The following APOM variants were observed in gnomAD, a reference collection of about 807,000 sequenced individuals.
APOM encodes apolipoprotein M, also known as NG20-like protein.
A neutral mutation model predicts 23.5 loss-of-function variants in APOM; 24 were observed. That is an observed-to-expected ratio of 1.02 (90% CI 0.74 to 1.44). The LOEUF (loss-of-function observed/expected upper bound fraction) is 1.44, where lower values mean the gene tolerates loss of function less well. Among genes scored for constraint, APOM ranks in the 40% most tolerant of loss-of-function variants. The pLI is 0.00. For missense variants in APOM, 200 were observed against 233.2 expected, an observed-to-expected ratio of 0.86 and a Z score of 0.93; for synonymous variants, 82 against 84.1, an observed-to-expected ratio of 0.97 and a Z score of 0.14.
rs1310480351 is a variant in APOM at position 31,657,715 on chromosome 6, G to C, written c.533G>C (p.Arg178Thr). 6.2e-7 allele frequency: 1 copy of C among 1,611,642 alleles called. No individual in the cohort carries two copies. The highest frequency in any genetic ancestry group is 2.2e-5 in the East Asian group (1 of 44,892). ...LDSKAFLLTP[R>T]NQEACELSNN is the part of the protein sequence containing the mutation. The stretch of plus-strand genomic sequence containing the variant: ...TCCAAAGCCTTCTTATTGACTCCTA[G>C]GAATCAAGGTAAGGGGTTAAAATCT... Residue 178 changes from arginine (R) to threonine (T), a missense_variant, in exon 5 of 6, where the codon AGG (arginine) becomes ACG (threonine). By Grantham distance (71) the Arg-to-Thr change is moderately conservative. Coordinates refer to ENST00000375916, the MANE Select transcript of APOM (RefSeq NM_019101.3).
At chr6:31,653,175 C>T (rs1445690668), upstream of APOM, among the ~76,000 whole-genome samples, 1 of 152,132 alleles carries the variant, frequency 6.6e-6, no homozygotes, top group African/African-American at 2.4e-5. Flanking sequence ...CTAAGTTGCA[C>T]GACTTGTCAA....
chr6:31,656,420 C>T (rs764168323), intron 1 of APOM, 52 bp from the exon 2 acceptor site: 28 of 1,586,030 alleles, frequency 1.8e-5, no homozygotes, highest in Non-Finnish European at 2.3e-5. Context: ...AGAGGTTGAA[C>T]CCATCCTGTG....
chr6:31,657,709 C>T lies in APOM; in HGVS notation c.527C>T (p.Thr176Ile), dbSNP rs1263974518. 1.9e-6 allele frequency: 3 copies of T among 1,611,724 alleles called. No individual in the cohort carries two copies. In the African/African-American group the frequency reaches 4.0e-5, roughly 22 times the overall value. The change falls in exon 5 of 6, where the codon ACT becomes ATT. Residue 176 changes from threonine (T) to isoleucine (I), a missense_variant. Transcript: ENST00000375916. ...SCLDSKAFLL[T>I]PRNQEACELS... ...CTGGACTCCAAAGCCTTCTTATTGA[C>T]TCCTAGGAATCAAGGTAAGGGGTTA... is the stretch of plus-strand genomic sequence containing the variant.
chr6:31,656,344 T>G, intron 1 of APOM, 128 bp from the exon 2 acceptor site: 1 of 1,050,660 alleles, frequency 9.5e-7, no homozygotes, highest in East Asian at 2.4e-5. Context: ...ATGGATCCAA[T>G]CCCCAGTTGG....
At chr6:31,658,018 C>T in intron 5 of APOM, 46 bp from the exon 6 acceptor site, 1 of 1,612,004 alleles carries the variant, frequency 6.2e-7, no homozygotes, top group South Asian at 1.1e-5. Flanking sequence ...TTGCTTTTCT[C>T]CCTGGACTTC....
chr6:31,653,756 A>G (rs1177179201), upstream of APOM, among the ~76,000 whole-genome samples: 1 of 152,042 alleles, frequency 6.6e-6, no homozygotes, highest in East Asian at 1.9e-4. Flanking sequence ...ATCACAACTC[A>G]CTGTAGCCTC....
Position 31,658,160 on chromosome 6 carries a change from TTCCAGC to T in APOM, c.*81_*86del. On this transcript the variant is annotated 3_prime_UTR_variant, in exon 6 of 6. Transcript: ENST00000375916. ...GTTGTTGGAGGGAGAAGCTGGAGAC[TTCCAGC>T]TCCAGCTCCCACTCAAGATAATAAA... is the stretch of plus-strand genomic sequence containing the variant. 6.7e-7 allele frequency: 1 copy of T among 1,495,444 alleles called. No homozygotes were observed. The highest frequency in any genetic ancestry group is 1.7e-5 in the Admixed American group (1 of 59,388). The allele number at this position is 1,495,444 out of a possible 1,614,324, so 92.6% of individuals were successfully genotyped here.
chr6:31,656,517 G>C lies in APOM; in HGVS notation c.160G>C (p.Ala54Pro). The change falls in exon 2 of 6, where the codon GCT becomes CCT. Residue 54 changes from alanine to proline, a missense_variant. Ala to Pro is a conservative substitution (Grantham distance 27, BLOSUM62 -1). Transcript: ENST00000375916. ...LGQWYFIAGAAPTKEELATFD... is the reference protein window; with the variant it reads ...LGQWYFIAGAPPTKEELATFD... ...CCAGTGGTACTTTATCGCAGGGGCA[G>C]CTCCCACCAAGGAGGAGTTGGCAAC... 9.9e-6 allele frequency: 16 copies of C among 1,614,130 alleles called. No homozygotes were observed. Among genetic ancestry groups the C allele is most frequent in the Non-Finnish European group, 1.4e-5 (16 of 1,180,024 alleles).
upstream of APOM, among the ~76,000 whole-genome samples, chr6:31,654,426 G>C (rs1403821911): frequency 6.6e-6 from 1 of 152,050 alleles, no homozygotes; most frequent in African/African-American, 2.4e-5. Flanking sequence ...GGTGGCTCAT[G>C]CCTGTAATCC....
In APOM at chr6:31,656,034, G is replaced by A. The variant is rs1370946821; in HGVS notation, c.68G>A (p.Cys23Tyr). Residue 23 changes from cysteine to tyrosine, a missense_variant, in exon 1 of 6, where the codon TGC (cysteine) becomes TAC (tyrosine). Cys to Tyr is a radical substitution (Grantham distance 194). Coordinates refer to ENST00000375916, the MANE Select transcript of APOM (RefSeq NM_019101.3). Reference protein sequence around the residue: ...YGIILNSIYQCPEHSQLTTLG... With the variant: ...YGIILNSIYQYPEHSQLTTLG... ...ATTATCCTTAACTCCATCTACCAGT[G>A]CCCTGAGCACAGTCAACTGACAACT... The A allele has an allele frequency of 6.3e-7, 1 of 1,591,030 alleles. No individual in the cohort carries two copies. The highest frequency in any genetic ancestry group is 2.3e-5 in the East Asian group (1 of 44,278).
chr6:31,657,377 C>T lies in APOM; in HGVS notation c.344-3C>T. On this transcript the variant is annotated splice_region_variant and splice_polypyrimidine_tract_variant and intron_variant, in intron 3 of 5. Transcript: ENST00000375916. The stretch of plus-strand genomic sequence containing the variant: ...CTCATACTTCTCCCACCTGCCTTGA[C>T]AGGCCGCCCTGACATGAAGACTGAG... 1 of 1,613,110 alleles carries T rather than the reference C, an allele frequency of 6.2e-7. No individual in the cohort carries two copies. The highest frequency in any genetic ancestry group is 2.2e-5 in the East Asian group (1 of 44,892).
upstream of APOM, among the ~76,000 whole-genome samples, chr6:31,653,282 A>C (rs1799137709): frequency 6.6e-6 from 1 of 152,214 alleles, no homozygotes; most frequent in Admixed American, 6.5e-5. Context: ...AAGGCCGGCC[A>C]GCGTGCTTCC....
At chr6:31,656,762 G>A (rs900035633) in intron 2 of APOM, 136 bp downstream of exon 2, 8 of 1,117,496 alleles carry the variant, frequency 7.2e-6, no homozygotes, top group African/African-American at 3.1e-5. Flanking sequence ...TGTATTAATT[G>A]CCCTCTGGAG....
upstream of APOM, chr6:31,655,421 T>A (rs1249694392): frequency 6.6e-6 from 1 of 152,564 alleles, no homozygotes; most frequent in Non-Finnish European, 1.5e-5. Context: ...AGCACCTGCA[T>A]CATACCTGTT....
chr6:31,657,246 C>A lies in APOM; in HGVS notation c.291C>A (p.Pro97=). ...GCAGGAAAGATGGGCTCTGTGTGCC[C>A]CGGAAATGGATCTACCACCTGACTG... ...TIRMKDGLCV[P]RKWIYHLTEG... Residue 97 remains proline (P), a synonymous_variant, in exon 3 of 6, where the codon CCC becomes CCA. Transcript: ENST00000375916. 1 of 1,613,032 alleles carries A rather than the reference C, an allele frequency of 6.2e-7. No homozygotes were observed. Among genetic ancestry groups the A allele is most frequent in the Non-Finnish European group, 8.5e-7 (1 of 1,180,020 alleles).
upstream of APOM, among the ~76,000 whole-genome samples, chr6:31,653,402 C>A (rs555453210): frequency 1.6e-4 from 25 of 152,334 alleles, no homozygotes; most frequent in East Asian, 2.1e-3. Context: ...AAAGACACAT[C>A]GCTGTTGGGG....
intron 4 of APOM, 66 bp from the exon 5 acceptor site, chr6:31,657,559 C>A: frequency 1.3e-6 from 2 of 1,597,142 alleles, no homozygotes; most frequent in Non-Finnish European, 1.7e-6. Flanking sequence ...TCCTATGACA[C>A]CCTCCCAGGA....
chr6:31,657,216 C>A lies in APOM; in HGVS notation c.270-9C>A, dbSNP rs748550789. ...CATTCTTTCCTCCTTGCCACCACCA[C>A]CTCTGCAGGAAAGATGGGCTCTGTG... On this transcript the variant is annotated splice_polypyrimidine_tract_variant and intron_variant, in intron 2 of 5. Transcript: ENST00000375916. 22 of 1,612,640 alleles carry A rather than the reference C, an allele frequency of 1.4e-5. No individual in the cohort carries two copies. The highest frequency in any genetic ancestry group is 1.8e-5 in the Non-Finnish European group (21 of 1,179,778).
In APOM at chr6:31,657,219, C is replaced by A; in HGVS notation, c.270-6C>A. Reference sequence around the variant, plus strand: ...TCTTTCCTCCTTGCCACCACCACCTCTGCAGGAAAGATGGGCTCTGTGTGC... The same window carrying A: ...TCTTTCCTCCTTGCCACCACCACCTATGCAGGAAAGATGGGCTCTGTGTGC... On this transcript the variant is annotated splice_polypyrimidine_tract_variant and splice_region_variant and intron_variant, in intron 2 of 5. Coordinates refer to ENST00000375916, the MANE Select transcript of APOM (RefSeq NM_019101.3). 1.2e-6 allele frequency: 2 copies of A among 1,612,884 alleles called. No individual in the cohort carries two copies. Among genetic ancestry groups the A allele is most frequent in the South Asian group, 2.2e-5 (2 of 91,072 alleles).
Sources: allele counts gnomAD v4.1 joint callset (sites outside exome capture counted in the v4.1 genomes callset), GRCh38; gene constraint gnomAD v4.1.1; transcripts MANE v1.5; gene names NCBI Gene and HGNC (gene_info 2026-07-23, HGNC 2026-07-21).